The following DLG2 variants were observed in gnomAD, a reference collection of about 807,000 sequenced individuals.
DLG2 encodes disks large homolog 2.
Under a neutral mutation model 132.5 loss-of-function variants are expected in DLG2, and 45 were observed. The ratio of observed to expected loss-of-function variants is 0.34; its 90% CI spans 0.27 to 0.44. The LOEUF is 0.44. Ranked by LOEUF, DLG2 falls within the 20% of genes least tolerant of loss-of-function variation. The pLI, the probability that DLG2 is intolerant of heterozygous loss-of-function variation, is 1.00. For synonymous variants in DLG2, 424 were observed against 419.6 expected (o/e 1.01, Z -0.13); for missense variants, 1,045 against 1,196.9 (o/e 0.87, Z 1.87).
intron 3 of DLG2, among the ~76,000 whole-genome samples, chr11:85,504,494 G>C (rs1403172556): frequency 6.6e-6 from 1 of 152,100 alleles, no homozygotes; most frequent in Admixed American, 6.6e-5. Context: ...TCTTGTTTTT[G>C]TCAGGTTTAT....
intron 18 of DLG2, among the ~76,000 whole-genome samples, chr11:83,737,260 G>A (rs554951044): frequency 6.6e-6 from 1 of 152,222 alleles, no homozygotes; most frequent in South Asian, 2.1e-4. Context: ...TTTATCAGAT[G>A]AATTATTTTT....
At chr11:85,073,894 C>T (rs1056775418) in intron 6 of DLG2, among the ~76,000 whole-genome samples, 5 of 151,798 alleles carry the variant, frequency 3.3e-5, no homozygotes, top group African/African-American at 9.7e-5. Context: ...GGTATATATA[C>T]ACCATGGAGT....
chr11:83,896,622 A>G (rs1017284543), intron 15 of DLG2, among the ~76,000 whole-genome samples: 1 of 152,230 alleles, frequency 6.6e-6, no homozygotes, highest in Admixed American at 6.5e-5. Context: ...TATTAAAAAT[A>G]CAGAGGTTAA....
chr11:84,486,039 C>G (rs190386718), intron 7 of DLG2, among the ~76,000 whole-genome samples: 26 of 152,224 alleles, frequency 1.7e-4, no homozygotes, highest in African/African-American at 6.0e-4. Flanking sequence ...GTGCTTCGAT[C>G]TGGGAGAGAC....
chr11:84,296,132 T>G, intron 7 of DLG2, among the ~76,000 whole-genome samples: 1 of 152,196 alleles, frequency 6.6e-6, no homozygotes, highest in East Asian at 1.9e-4. Context: ...AAACACAACT[T>G]GTTTATTACT....
chr11:84,571,798 G>A (rs1011639496), intron 6 of DLG2, among the ~76,000 whole-genome samples: 3 of 152,090 alleles, frequency 2.0e-5, no homozygotes, highest in African/African-American at 7.2e-5. Flanking sequence ...TAACTTTAGG[G>A]AACAGATAGA....
chr11:83,845,831 T>C (rs2058509797), intron 16 of DLG2, among the ~76,000 whole-genome samples: 1 of 149,290 alleles, frequency 6.7e-6, no homozygotes, highest in Non-Finnish European at 1.5e-5. Flanking sequence ...GTGTAGTTTC[T>C]TGAGGTCTTG....
At chr11:84,211,744 T>G (rs994756754) in intron 8 of DLG2, among the ~76,000 whole-genome samples, 1 of 152,206 alleles carries the variant, frequency 6.6e-6, no homozygotes, top group Non-Finnish European at 1.5e-5. Flanking sequence ...TTTTATCACC[T>G]ATAGGAAACT....
At chr11:84,956,537 G>A (rs17741917) in intron 6 of DLG2, among the ~76,000 whole-genome samples, 1 of 152,076 alleles carries the variant, frequency 6.6e-6, no homozygotes, top group African/African-American at 2.4e-5. Flanking sequence ...GCTAAGCCTA[G>A]GTCATAATCT....
intron 6 of DLG2, among the ~76,000 whole-genome samples, chr11:85,037,855 A>C (rs1442527294): frequency 6.6e-6 from 1 of 152,186 alleles, no homozygotes; most frequent in African/African-American, 2.4e-5. Context: ...TCTCTGTATG[A>C]ATACATAATA....
Position 84,403,423 on chromosome 11 carries a change from C to G in DLG2, c.519+131147G>C, listed in dbSNP as rs576867327. Reference sequence around the variant, plus strand: ...CAATTGCCATTACTGTTTATTTTATCTCCATGTCTTTTGTATCCTTTACAT... The same window carrying G: ...CAATTGCCATTACTGTTTATTTTATGTCCATGTCTTTTGTATCCTTTACAT... On this transcript the variant is annotated intron_variant, in intron 7 of 27. Transcript: ENST00000376104. Among the ~76,000 whole-genome samples, 304 of 152,274 alleles carry G rather than the reference C, an allele frequency of 2.0e-3. 1 individual carries two copies. The highest frequency in any genetic ancestry group is 3.3e-3 in the Non-Finnish European group (226 of 68,016).
At chr11:85,542,184 C>T (rs1014172225) in intron 3 of DLG2, among the ~76,000 whole-genome samples, 3 of 151,952 alleles carry the variant, frequency 2.0e-5, no homozygotes, top group Non-Finnish European at 4.4e-5. Context: ...CTTTTCTTTC[C>T]TCCTCATTTC....
rs139082722 is a variant in DLG2 at position 84,157,019 on chromosome 11, T to C, written c.624+6442A>G. 7.9e-3 allele frequency among the ~76,000 whole-genome samples: 1,200 copies of C among 152,296 alleles called. 18 individuals carry two copies. Among genetic ancestry groups the C allele is most frequent in the African/African-American group, 0.028 (1,145 of 41,558 alleles). On this transcript the variant is annotated intron_variant, in intron 9 of 27. Coordinates refer to ENST00000376104, the MANE Select transcript of DLG2 (RefSeq NM_001142699.3). ...TCAAATAATATAAAGCTTTTGAATT[T>C]CTAAATTCCTCATTTTTTCTAGGTC...
At chr11:85,530,271 C>A (rs1012510838) in intron 3 of DLG2, among the ~76,000 whole-genome samples, 1 of 151,754 alleles carries the variant, frequency 6.6e-6, no homozygotes, top group Non-Finnish European at 1.5e-5. Context: ...GCTGGGATTA[C>A]AAGTGTAAGC....
chr11:85,177,205 C>T (rs533850551), intron 4 of DLG2, among the ~76,000 whole-genome samples: 3 of 150,938 alleles, frequency 2.0e-5, no homozygotes, highest in African/African-American at 4.9e-5. Context: ...TGGAAACAGC[C>T]GAAATACTGC....
chr11:84,316,727 C>T (rs2154395051), intron 7 of DLG2: 1 of 1,294,330 alleles, frequency 7.7e-7, no homozygotes, highest in Non-Finnish European at 1.0e-6. Context: ...CAGGCATACC[C>T]GTGGTACTCT....
chr11:84,968,724 A>G (rs1312559926), intron 6 of DLG2, among the ~76,000 whole-genome samples: 1 of 152,186 alleles, frequency 6.6e-6, no homozygotes, highest in Non-Finnish European at 1.5e-5. Context: ...GCAAATTATT[A>G]TAACTTTTGT....
intron 7 of DLG2, among the ~76,000 whole-genome samples, chr11:84,260,812 A>G (rs189406795): frequency 3.8e-4 from 58 of 152,336 alleles, no homozygotes; most frequent in African/African-American, 1.3e-3. Flanking sequence ...GCTTTTCACC[A>G]TTAGGCCATA....
intron 6 of DLG2, among the ~76,000 whole-genome samples, chr11:84,804,378 C>G (rs2075763418): frequency 6.6e-6 from 1 of 152,148 alleles, no homozygotes; most frequent in African/African-American, 2.4e-5. Flanking sequence ...AAAAGGAAAA[C>G]CCACGTACTT....
Sources: gnomAD v4.1 joint callset for allele counts (sites outside exome capture counted in the v4.1 genomes callset) on GRCh38, gnomAD v4.1.1 for gene constraint, MANE v1.5 for transcripts, NCBI Gene and HGNC (gene_info 2026-07-23, HGNC 2026-07-21) for gene names.